The following SLC9D1 variants were observed in gnomAD, a reference collection of about 807,000 sequenced individuals.
SLC9D1 encodes the protein solute carrier family 9 member D1, also known as putative LAG1-interacting protein.
the SLC9D1 span, among the ~76,000 whole-genome samples, chr13:113,517,382 G>A: frequency 0.54 from 82,480 of 151,658 alleles, 24,584 homozygotes; most frequent in African/African-American, 0.8. Flanking sequence ...ACAGGCGCCC[G>A]CCACCACGCC....
chr13:113,503,750 TAAAA>T, the SLC9D1 span: 1 of 580,506 alleles, frequency 1.7e-6, no homozygotes, highest in Admixed American at 3.3e-5. Flanking sequence ...TTCAGAAAGA[TAAAA>T]AATATCAGGT....
At chr13:113,539,387 C>T in the SLC9D1 span, 3 of 1,613,408 alleles carry the variant, frequency 1.9e-6, no homozygotes, top group South Asian at 2.2e-5. This position sits in a 1 kb window ranked among gnomAD's most constrained non-coding sequence, Gnocchi z 4.8. Context: ...CTCCATGGAG[C>T]TGGGCTGTTT....
the SLC9D1 span, chr13:113,534,482 G>A: frequency 9.7e-6 from 5 of 517,200 alleles, no homozygotes; most frequent in Non-Finnish European, 1.7e-5. Flanking sequence ...GTGTTTGTGA[G>A]TATTTCATTA....
chr13:113,534,541 C>T, the SLC9D1 span: 1 of 397,530 alleles, frequency 2.5e-6, no homozygotes. Context: ...GTAGTCCTAG[C>T]ATGTGGGGAA....
At chr13:113,520,432 T>G in the SLC9D1 span, 5 of 448,130 alleles carry the variant, frequency 1.1e-5, no homozygotes, top group East Asian at 3.7e-5. Context: ...TGCAGTGAGC[T>G]GAGATCGAGC....
At chr13:113,519,606 C>T in the SLC9D1 span, among the ~76,000 whole-genome samples, 5 of 152,282 alleles carry the variant, frequency 3.3e-5, no homozygotes, top group Admixed American at 1.3e-4. Context: ...GTTTGTCTGC[C>T]GGGCCCGCCT....
Sources: allele counts gnomAD v4.1 joint callset (sites outside exome capture counted in the v4.1 genomes callset), GRCh38; gene constraint gnomAD v4.1.1; non-coding constraint Gnocchi (gnomAD v3.1); transcripts MANE v1.5; gene names NCBI Gene and HGNC (gene_info 2026-07-23, HGNC 2026-07-21).